Variants in KLHL8 observed in about 807,000 individuals in gnomAD.
KLHL8 encodes the protein kelch like family member 8.
A neutral mutation model predicts 63.5 loss-of-function variants in KLHL8; 38 were observed. That is an observed-to-expected ratio of 0.60 (90% CI 0.46 to 0.78). The LOEUF (loss-of-function observed/expected upper bound fraction) is 0.78. KLHL8 is among the 30% of genes least tolerant of loss of function. The pLI is 0.00. For missense variants in KLHL8, 566 were observed against 752.4 expected, an observed-to-expected ratio of 0.75 and a Z score of 2.90; for synonymous variants, 224 against 254.3, an observed-to-expected ratio of 0.88 and a Z score of 1.13.
rs751611422 is a variant in KLHL8, at chr4:87,176,820, C to T, written c.1145G>A (p.Ser382Asn). 2 of 1,609,046 alleles carry T rather than the reference C, an allele frequency of 1.2e-6. No homozygotes were observed. The highest frequency in any genetic ancestry group is 1.1e-5 in the South Asian group (1 of 90,394). Residue 382 changes from serine (S) to asparagine (N), a missense_variant, in exon 6 of 10, where the codon AGT (serine) becomes AAT (asparagine). Coordinates refer to ENST00000273963, the MANE Select transcript of KLHL8 (RefSeq NM_020803.5). ...GGHDGNEHLG[S>N]MEMFDPLTNK... is the part of the protein sequence containing the mutation. ...AGTGAGAGGATCAAACATCTCCATA[C>T]TCCCTAAATGTTCATTTCCATCATG...
chr4:87,223,272 C>A (rs796359276), upstream of KLHL8, among the ~76,000 whole-genome samples: 3 of 152,190 alleles, frequency 2.0e-5, no homozygotes, highest in African/African-American at 7.2e-5. Flanking sequence ...CCATTCCTGG[C>A]CACTTTTCTT....
intron 2 of KLHL8, among the ~76,000 whole-genome samples, chr4:87,193,087 CTT>C (rs1731556499): frequency 6.6e-6 from 1 of 152,026 alleles, no homozygotes; most frequent in African/African-American, 2.4e-5. Context: ...AAATATTTTT[CTT>C]TCTTTCATAA....
chr4:87,167,263 A>T, intron 8 of KLHL8: 1 of 487,926 alleles, frequency 2.0e-6, no homozygotes, highest in South Asian at 1.8e-5. Flanking sequence ...CCAGGACAGG[A>T]CCCATATTAG....
intron 2 of KLHL8, among the ~76,000 whole-genome samples, chr4:87,188,432 T>C (rs1731347466): frequency 6.6e-6 from 1 of 152,184 alleles, no homozygotes; most frequent in Non-Finnish European, 1.5e-5. Flanking sequence ...GCTGTACAAA[T>C]CAATGGCCGG....
intron 1 of KLHL8, among the ~76,000 whole-genome samples, chr4:87,208,747 C>T (rs905340906): frequency 1.3e-5 from 2 of 152,166 alleles, no homozygotes; most frequent in South Asian, 2.1e-4. Context: ...AAAATGCATA[C>T]AGTTCAAAAT....
intron 8 of KLHL8, 119 bp downstream of exon 8, chr4:87,169,960 A>G: frequency 4.2e-6 from 3 of 719,120 alleles, no homozygotes; most frequent in Non-Finnish European, 6.8e-6. Context: ...AAAGAATTCA[A>G]AAGCACATTT....
chr4:87,222,450 T>C (rs1405655138), upstream of KLHL8, among the ~76,000 whole-genome samples: 3 of 152,248 alleles, frequency 2.0e-5, no homozygotes, highest in Admixed American at 2.0e-4. Flanking sequence ...AAATAAATTT[T>C]GTATGTCTTT....
chr4:87,206,405 A>G (rs1578393739), intron 1 of KLHL8, among the ~76,000 whole-genome samples: 1 of 152,172 alleles, frequency 6.6e-6, no homozygotes, highest in Non-Finnish European at 1.5e-5. Flanking sequence ...GCTCTAGTCT[A>G]CCTTCCAGTC....
intron 2 of KLHL8, among the ~76,000 whole-genome samples, chr4:87,194,085 A>G (rs1364951213): frequency 6.6e-6 from 1 of 152,192 alleles, no homozygotes; most frequent in Non-Finnish European, 1.5e-5. Context: ...CTCCAAAATC[A>G]TGTGTTGAAA....
At chr4:87,202,897 T>A (rs1332279509) in intron 1 of KLHL8, among the ~76,000 whole-genome samples, 2 of 152,000 alleles carry the variant, frequency 1.3e-5, no homozygotes, top group Non-Finnish European at 2.9e-5. Context: ...AATACAGACA[T>A]AAAAATCCCC....
Position 87,161,487 on chromosome 4 carries a change from G to A in KLHL8, c.*2032C>T, listed in dbSNP as rs1309056568. ...GATAACCATTGTATAGTAAAAACCA[G>A]AAATGAAAATATAATAACCCTTATA... On this transcript the variant is annotated 3_prime_UTR_variant, in exon 10 of 10. Coordinates refer to ENST00000273963, the MANE Select transcript of KLHL8 (RefSeq NM_020803.5). 1.3e-5 allele frequency: 2 copies of A among 152,014 alleles called. No homozygotes were observed. The highest frequency in any genetic ancestry group is 2.9e-5 in the Non-Finnish European group (2 of 67,988). 9.4% of individuals were successfully genotyped at this position (152,014 alleles called of 1,614,324 possible). A position where few individuals can be genotyped will look rare whatever the true frequency, so the allele number is the denominator to read the frequency against.
At position 87,162,325 on chromosome 4, in the gene KLHL8, A is replaced by C. The variant is rs1730206164; in HGVS notation, c.*1194T>G. ...TAGTTAAAACTTTGAAGAGCTGTTAAATCTGTAGGTCCATCAATATCCTGG... is the reference window on the plus strand; with the variant it reads ...TAGTTAAAACTTTGAAGAGCTGTTACATCTGTAGGTCCATCAATATCCTGG... On this transcript the variant is annotated 3_prime_UTR_variant, in exon 10 of 10. Coordinates refer to ENST00000273963, the MANE Select transcript of KLHL8 (RefSeq NM_020803.5). The C allele has an allele frequency of 2.6e-5, 4 of 152,226 alleles. No individual in the cohort carries two copies. In the South Asian group the frequency reaches 6.2e-4, roughly 24 times the overall value. 9.4% of individuals were successfully genotyped at this position (152,226 alleles called of 1,614,324 possible). A position where few individuals can be genotyped will look rare whatever the true frequency, so the allele number is the denominator to read the frequency against.
chr4:87,220,806 A>G (rs28571134), upstream of KLHL8: 31,969 of 152,220 alleles, frequency 0.21, 4,036 homozygotes, highest in East Asian at 0.46. Flanking sequence ...GGTCCCCATA[A>G]CAAATCTTGA....
At position 87,208,030 on chromosome 4, in the gene KLHL8, G is replaced by A. The variant is rs148442350; in HGVS notation, c.-151-12340C>T. 508 of 665,336 alleles carry A rather than the reference G, an allele frequency of 7.6e-4. 1 individual carries two copies. In the African/African-American group the frequency reaches 7.6e-3, roughly 10 times the overall value. 41.2% of individuals were successfully genotyped at this position (665,336 alleles called of 1,614,324 possible). A position where few individuals can be genotyped will look rare whatever the true frequency, so the allele number is the denominator to read the frequency against. ...TGTCAAGATCATTTCTTGGTATAGCGATGAATTTGGCTACAGCAACAAGGT... is the reference window on the plus strand; with the variant it reads ...TGTCAAGATCATTTCTTGGTATAGCAATGAATTTGGCTACAGCAACAAGGT... On this transcript the variant is annotated intron_variant, in intron 1 of 9. Transcript: ENST00000273963.
intron 1 of KLHL8, among the ~76,000 whole-genome samples, chr4:87,201,131 AAAG>A (rs1578389217): frequency 6.6e-6 from 1 of 152,228 alleles, no homozygotes; most frequent in Non-Finnish European, 1.5e-5. Context: ...AGAGAGGTGG[AAAG>A]AAGATGTTCA....
chr4:87,191,896 G>T (rs573047249), intron 2 of KLHL8, among the ~76,000 whole-genome samples: 35 of 151,986 alleles, frequency 2.3e-4, no homozygotes, highest in African/African-American at 8.2e-4. Flanking sequence ...GTTCACTTAG[G>T]ATAATGGTTT....
intron 1 of KLHL8, among the ~76,000 whole-genome samples, chr4:87,232,779 T>C (rs948772655): frequency 2.6e-5 from 4 of 152,214 alleles, no homozygotes; most frequent in South Asian, 2.1e-4. Context: ...TTTGCACTTA[T>C]CTAGTTATGA....
chr4:87,239,559 G>A (rs759054329), intron 1 of KLHL8, among the ~76,000 whole-genome samples: 2 of 152,114 alleles, frequency 1.3e-5, no homozygotes, highest in Non-Finnish European at 2.9e-5. Flanking sequence ...CAGAGAAAAG[G>A]TGATGAGGTG....
At chr4:87,236,884 G>C (rs895631163) in intron 1 of KLHL8, among the ~76,000 whole-genome samples, 1 of 151,734 alleles carries the variant, frequency 6.6e-6, no homozygotes, top group Non-Finnish European at 1.5e-5. Flanking sequence ...GGCTGGTCTC[G>C]AACTCCTGAC....
Sources: allele counts gnomAD v4.1 joint callset (sites outside exome capture counted in the v4.1 genomes callset), GRCh38; gene constraint gnomAD v4.1.1; transcripts MANE v1.5; gene names NCBI Gene and HGNC (gene_info 2026-07-23, HGNC 2026-07-21).